The following ROBO2 variants were observed in gnomAD, a reference collection of about 807,000 sequenced individuals.
The protein encoded by ROBO2 is roundabout guidance receptor 2.
A neutral mutation model predicts 160.8 loss-of-function variants in ROBO2; 53 were observed. That is an observed-to-expected ratio of 0.33 (90% CI 0.26 to 0.41). ROBO2 has a LOEUF of 0.41. Among genes scored for constraint, ROBO2 ranks in the 10% least tolerant of loss-of-function variants. The pLI is 1.00. For missense variants in ROBO2, 1,577 were observed against 1,722.4 expected, an observed-to-expected ratio of 0.92 and a Z score of 1.49; for synonymous variants, 664 against 611.7, an observed-to-expected ratio of 1.09 and a Z score of -1.26.
rs529246305 is a variant in ROBO2 at position 76,771,123 on chromosome 3, G to A, written c.110-326891G>A. On this transcript the variant is annotated intron_variant, in intron 2 of 26. Transcript: ENST00000487694. ...GTTGCTACCCAGTATTCAAAAGACC[G>A]TGCTGTTAAGTGTGGTGGCTACTAC... 6.6e-5 allele frequency among the ~76,000 whole-genome samples: 10 copies of A among 151,142 alleles called. 1 individual carries two copies. Among genetic ancestry groups the A allele is most frequent in the Admixed American group, 1.3e-4 (2 of 15,108 alleles).
At chr3:76,623,293 G>A (rs1194464197) in intron 2 of ROBO2, among the ~76,000 whole-genome samples, 1 of 152,116 alleles carries the variant, frequency 6.6e-6, no homozygotes, top group African/African-American at 2.4e-5. Flanking sequence ...TCTTGCCAAT[G>A]TGCTCGGGTT....
intron 2 of ROBO2, among the ~76,000 whole-genome samples, chr3:77,261,492 A>G (rs1309737783): frequency 1.3e-5 from 2 of 152,222 alleles, no homozygotes; most frequent in African/African-American, 2.4e-5. Context: ...GAAATGGCAT[A>G]AAAAGGAGAT....
intron 2 of ROBO2, among the ~76,000 whole-genome samples, chr3:76,585,844 A>C (rs1324316632): frequency 6.6e-6 from 1 of 152,200 alleles, no homozygotes; most frequent in Non-Finnish European, 1.5e-5. Flanking sequence ...CTGTATGTAC[A>C]TGCGTATACA....
At chr3:76,475,764 A>G (rs2078901574) in intron 2 of ROBO2, among the ~76,000 whole-genome samples, 1 of 152,228 alleles carries the variant, frequency 6.6e-6, no homozygotes, top group South Asian at 2.1e-4. Context: ...GTTAGACGTG[A>G]GATTCCCTCA....
Position 77,471,465 on chromosome 3 carries a change from G to T in ROBO2, c.389-5949G>T, listed in dbSNP as rs958471399. ...AGTCCTCAAGGGTTTTTGGACTGAG[G>T]GCCTTGGTTTCTTGCCAGCTGTTGG... On this transcript the variant is annotated intron_variant, in intron 2 of 25. Transcript: ENST00000461745. Among the ~76,000 whole-genome samples the T allele has an allele frequency of 2.0e-5, 3 of 152,156 alleles. No homozygotes were observed. In the South Asian group the frequency reaches 6.2e-4, roughly 32 times the overall value.
chr3:77,427,649 A>G (rs989600687), intron 2 of ROBO2, among the ~76,000 whole-genome samples: 3 of 152,214 alleles, frequency 2.0e-5, no homozygotes, highest in Non-Finnish European at 2.9e-5. Context: ...AGGGAAAAAG[A>G]AAGAAAATAA....
chr3:76,180,048 T>G (rs569585951), intron 2 of ROBO2, among the ~76,000 whole-genome samples: 8 of 152,126 alleles, frequency 5.3e-5, no homozygotes, highest in Non-Finnish European at 1.2e-4. Context: ...ATATCCCTCT[T>G]TTCCATCTAT....
At chr3:77,024,972 G>GTTTGTTTTTTGTTT (rs199668965) in intron 2 of ROBO2, among the ~76,000 whole-genome samples, 2,442 of 149,096 alleles carry the variant, frequency 0.016, 84 homozygotes, top group African/African-American at 0.056. Flanking sequence ...GTTTTTTTTT[G>GTTTGTTTTTTGTTT]TTTGTTTTTT....
chr3:76,622,267 A>C (rs1375562251), intron 2 of ROBO2, among the ~76,000 whole-genome samples: 2 of 53,404 alleles, frequency 3.7e-5, no homozygotes, highest in Non-Finnish European at 7.9e-5. Context: ...AGAAAGAAAG[A>C]AAGAAAGAAA....
intron 2 of ROBO2, among the ~76,000 whole-genome samples, chr3:77,360,601 A>AT (rs149519705): frequency 3.3e-5 from 5 of 150,798 alleles, no homozygotes; most frequent in Admixed American, 6.6e-5. Flanking sequence ...GCTAGGAGTA[A>AT]TTTTTTTTCT....
intron 2 of ROBO2, among the ~76,000 whole-genome samples, chr3:75,939,429 T>C (rs77570997): frequency 9.2e-5 from 14 of 152,302 alleles, no homozygotes; most frequent in South Asian, 2.1e-4. Flanking sequence ...CTATCTTTCA[T>C]TGGGGACCAT....
At chr3:77,493,925 T>C (rs79063837) in intron 5 of ROBO2, among the ~76,000 whole-genome samples, 4,918 of 152,244 alleles carry the variant, frequency 0.032, 262 homozygotes, top group African/African-American at 0.11. Flanking sequence ...GTCACTTTCT[T>C]TTTTCCATCT....
intron 2 of ROBO2, among the ~76,000 whole-genome samples, chr3:76,097,807 A>G (rs546067540): frequency 1.3e-5 from 2 of 152,262 alleles, no homozygotes; most frequent in South Asian, 4.1e-4. Context: ...AATATATTCT[A>G]GTTCTTGATG....
intron 2 of ROBO2, among the ~76,000 whole-genome samples, chr3:77,313,678 C>T (rs892891693): frequency 5.3e-5 from 8 of 151,952 alleles, no homozygotes; most frequent in Non-Finnish European, 1.0e-4. Context: ...TCCGCCTCTT[C>T]GTTTCAAGCA....
At chr3:76,602,901 T>A (rs2087271339) in intron 2 of ROBO2, among the ~76,000 whole-genome samples, 2 of 152,230 alleles carry the variant, frequency 1.3e-5, no homozygotes, top group South Asian at 4.1e-4. Context: ...AATGAGAGCA[T>A]TTGTCTGGTA....
chr3:76,762,115 TATTC>T (rs974835255), intron 2 of ROBO2, among the ~76,000 whole-genome samples: 1 of 151,624 alleles, frequency 6.6e-6, no homozygotes, highest in Non-Finnish European at 1.5e-5. Flanking sequence ...CTGAGATTAA[TATTC>T]ATTCAGGCAT....
chr3:76,751,075 A>C (rs1185497920), intron 2 of ROBO2, among the ~76,000 whole-genome samples: 1 of 152,178 alleles, frequency 6.6e-6, no homozygotes, highest in Non-Finnish European at 1.5e-5. Flanking sequence ...CCAAAACAGC[A>C]TGGTACTGGT....
At chr3:76,445,720 C>G (rs987077147) in intron 2 of ROBO2, among the ~76,000 whole-genome samples, 9 of 152,140 alleles carry the variant, frequency 5.9e-5, no homozygotes, top group African/African-American at 2.2e-4. Context: ...CCCTGGGATG[C>G]AAGGCTGGTT....
At chr3:77,448,663 T>C (rs926387663) in intron 2 of ROBO2, among the ~76,000 whole-genome samples, 2 of 96,768 alleles carry the variant, frequency 2.1e-5, no homozygotes, top group Non-Finnish European at 4.5e-5. Context: ...TAAGGAAAAA[T>C]TATTGAATCG....
Sources: allele counts gnomAD v4.1 joint callset (sites outside exome capture counted in the v4.1 genomes callset), GRCh38; gene constraint gnomAD v4.1.1; transcripts MANE v1.5; gene names NCBI Gene and HGNC (gene_info 2026-07-23, HGNC 2026-07-21).